The following CAMK2A variants were observed in gnomAD, a reference collection of about 807,000 sequenced individuals.
CAMK2A encodes the protein calcium/calmodulin dependent protein kinase II alpha.
A neutral mutation model predicts 79.2 loss-of-function variants in CAMK2A; 7 were observed. The ratio of observed to expected loss-of-function variants is 0.09; its 90% CI spans 0.05 to 0.17. The LOEUF is 0.17. Among genes scored for constraint, CAMK2A ranks in the 10% least tolerant of loss-of-function variants. The probability of loss-of-function intolerance (pLI) is 1.00; values close to 1 mark genes in which losing one functional copy is unlikely to be tolerated. For missense variants in CAMK2A, 214 were observed against 646.4 expected (o/e 0.33, Z 7.25); for synonymous variants, 242 against 251.7 (o/e 0.96, Z 0.36).
At chr5:150,242,218 A>G (rs570295485) in intron 13 of CAMK2A, among the ~76,000 whole-genome samples, 1 of 152,290 alleles carries the variant, frequency 6.6e-6, no homozygotes, top group East Asian at 1.9e-4. Flanking sequence ...TGATGCTAAT[A>G]ATCTTGTATT....
chr5:150,230,038 G>A (rs533275198), intron 16 of CAMK2A, among the ~76,000 whole-genome samples: 21 of 151,930 alleles, frequency 1.4e-4, no homozygotes, highest in South Asian at 6.2e-4. Context: ...CTGGCAGGCC[G>A]GGCGGGCTCG....
intron 1 of CAMK2A, among the ~76,000 whole-genome samples, chr5:150,287,254 C>T (rs1013514553): frequency 1.3e-5 from 2 of 152,194 alleles, no homozygotes; most frequent in East Asian, 1.9e-4. Flanking sequence ...ACAGTCTTCC[C>T]GATGTCCCTG....
chr5:150,280,581 G>T (rs969195151), intron 1 of CAMK2A, among the ~76,000 whole-genome samples: 4 of 151,802 alleles, frequency 2.6e-5, no homozygotes, highest in African/African-American at 9.7e-5. Flanking sequence ...TCTGGCTGCC[G>T]CCCCCAGGGC....
chr5:150,276,154 T>C (rs910001014), intron 1 of CAMK2A, among the ~76,000 whole-genome samples: 2 of 152,156 alleles, frequency 1.3e-5, no homozygotes, highest in Non-Finnish European at 2.9e-5. Context: ...CTTAGAAAAT[T>C]ACAAGGGTTT....
intron 1 of CAMK2A, among the ~76,000 whole-genome samples, chr5:150,287,928 G>T (rs10053906): frequency 0.015 from 2,180 of 143,940 alleles, 48 homozygotes; most frequent in African/African-American, 0.053. Flanking sequence ...CATGCCTGTA[G>T]GATAGCCTCT....
intron 13 of CAMK2A, among the ~76,000 whole-genome samples, chr5:150,240,044 G>A (rs1304155421): frequency 6.6e-6 from 1 of 152,166 alleles, no homozygotes. Context: ...GCCTAACTCT[G>A]ATGGCAAAAG....
chr5:150,252,815 G>A (rs1476832329), intron 7 of CAMK2A, among the ~76,000 whole-genome samples: 1 of 152,170 alleles, frequency 6.6e-6, no homozygotes, highest in Non-Finnish European at 1.5e-5. Flanking sequence ...TTACAGATGA[G>A]GAACGAAGGC....
chr5:150,251,944 G>A (rs1018734133), intron 8 of CAMK2A, 38 bp downstream of exon 8: 1 of 1,593,680 alleles, frequency 6.3e-7, no homozygotes, highest in Non-Finnish European at 8.6e-7. Context: ...AGGCCGGGGT[G>A]CAGCCAGGGG....
intron 11 of CAMK2A, among the ~76,000 whole-genome samples, chr5:150,249,490 G>A (rs978303895): frequency 1.3e-5 from 2 of 151,804 alleles, no homozygotes; most frequent in Admixed American, 6.6e-5. Flanking sequence ...GGGGTCAGGC[G>A]CACTTCCAAA....
chr5:150,274,895 C>A (rs969683597), intron 1 of CAMK2A, among the ~76,000 whole-genome samples: 3 of 152,224 alleles, frequency 2.0e-5, no homozygotes, highest in African/African-American at 7.2e-5. Context: ...TTGGATGCCC[C>A]ATCCCAAGCT....
At chr5:150,273,626 C>A (rs1756840417) in intron 1 of CAMK2A, among the ~76,000 whole-genome samples, 1 of 152,226 alleles carries the variant, frequency 6.6e-6, no homozygotes, top group South Asian at 2.1e-4. Flanking sequence ...TTACCATGTC[C>A]TTGAGTCTCT....
intron 3 of CAMK2A, among the ~76,000 whole-genome samples, chr5:150,262,650 T>G (rs1411514070): frequency 6.6e-6 from 1 of 152,162 alleles, no homozygotes; most frequent in African/African-American, 2.4e-5. Context: ...GACTCAATGA[T>G]GATGATGATG....
intron 13 of CAMK2A, among the ~76,000 whole-genome samples, chr5:150,244,400 T>C (rs1026411424): frequency 6.6e-6 from 1 of 152,234 alleles, no homozygotes; most frequent in Non-Finnish European, 1.5e-5. Context: ...ATCCCAGCCC[T>C]GGGGCCCTCG....
At chr5:150,239,397 G>A (rs1286168356) in intron 14 of CAMK2A, among the ~76,000 whole-genome samples, 1 of 152,212 alleles carries the variant, frequency 6.6e-6, no homozygotes, top group Non-Finnish European at 1.5e-5. Context: ...CTAGAGCAGA[G>A]GGGCAGGGAG....
At chr5:150,244,318 C>T (rs1755467299) in intron 13 of CAMK2A, among the ~76,000 whole-genome samples, 1 of 152,238 alleles carries the variant, frequency 6.6e-6, no homozygotes, top group Admixed American at 6.5e-5. Flanking sequence ...CCTCCTTAGA[C>T]AAAGCCATCA....
rs1393029106 is a variant in CAMK2A, at chr5:150,289,667, C to G, written c.-42G>C. The stretch of plus-strand genomic sequence containing the variant: ...CAGGTGAGGCTTGGGACTGGGGGAC[C>G]AGGACTGAGGCGCTGCTGCTCTGCT... On this transcript the variant is annotated 5_prime_UTR_variant, in exon 1 of 19. Transcript: ENST00000671881. The G allele has an allele frequency of 6.5e-7, 1 of 1,547,750 alleles. No individual in the cohort carries two copies. The highest frequency in any genetic ancestry group is 1.1e-5 in the South Asian group (1 of 89,616).
At chr5:150,257,408 G>C (rs1044441521) in intron 4 of CAMK2A, among the ~76,000 whole-genome samples, 155 bp downstream of exon 4, 3 of 152,254 alleles carry the variant, frequency 2.0e-5, no homozygotes, top group African/African-American at 7.2e-5. Flanking sequence ...TGGTGTTTTA[G>C]GAAAGTCAGC....
At chr5:150,232,933 C>T (rs1562140453) in intron 15 of CAMK2A, among the ~76,000 whole-genome samples, 1 of 152,216 alleles carries the variant, frequency 6.6e-6, no homozygotes, top group Non-Finnish European at 1.5e-5. Context: ...ATGGCACATA[C>T]CAGGTGGAGA....
chr5:150,253,388 G>T, intron 7 of CAMK2A, 56 bp downstream of exon 7: 1 of 1,371,912 alleles, frequency 7.3e-7, no homozygotes, highest in Non-Finnish European at 1.0e-6. Context: ...AGAGGCTTAT[G>T]TGTCAACACA....
Sources: gnomAD v4.1 joint callset for allele counts (sites outside exome capture counted in the v4.1 genomes callset) on GRCh38, gnomAD v4.1.1 for gene constraint, MANE v1.5 for transcripts, NCBI Gene and HGNC (gene_info 2026-07-23, HGNC 2026-07-21) for gene names.